CLCN5: variants seen among roughly 807,000 people sequenced by gnomAD.
CLCN5 encodes Cl-/H+ antiporter 5.
Under a neutral mutation model 54.0 loss-of-function variants are expected in CLCN5, and 17 were observed. The ratio of observed to expected loss-of-function variants is 0.31; its 90% CI spans 0.22 to 0.47. CLCN5 has a LOEUF of 0.47. Ranked by LOEUF, CLCN5 falls within the 20% of genes least tolerant of loss-of-function variation. CLCN5 has a pLI of 1.00. For missense variants in CLCN5, 448 were observed against 646.7 expected (o/e 0.69, Z 3.33); for synonymous variants, 222 against 233.0 (o/e 0.95, Z 0.43).
At chrX:50,069,344 A>G (rs1467812240) in intron 4 of CLCN5, among the ~76,000 whole-genome samples, 1 of 111,593 alleles carries the variant, frequency 9.0e-6, no homozygotes, top group African/African-American at 3.3e-5. Flanking sequence ...CAAGCCTGTT[A>G]CATCAGAGAT....
intron 3 of CLCN5, among the ~76,000 whole-genome samples, chrX:50,017,710 G>A (rs1930860284): frequency 9.0e-6 from 1 of 110,554 alleles, no homozygotes; most frequent in African/African-American, 3.3e-5. Flanking sequence ...TTCATGTCCA[G>A]TTGTTTCAGT....
At chrX:50,048,294 C>G (rs1932462683) in intron 4 of CLCN5, among the ~76,000 whole-genome samples, 1 of 112,780 alleles carries the variant, frequency 8.9e-6, no homozygotes, top group Admixed American at 9.3e-5. Flanking sequence ...TGCTCGCCCT[C>G]TGCTCACCTC....
intron 3 of CLCN5, among the ~76,000 whole-genome samples, chrX:49,941,086 G>A (rs1176107400): frequency 9.0e-6 from 1 of 111,469 alleles, no homozygotes; most frequent in African/African-American, 3.3e-5. Context: ...CGGCACTTTG[G>A]GAGGTCAAGG....
At chrX:50,091,077 C>T (rs1934082983) in intron 14 of CLCN5, among the ~76,000 whole-genome samples, 191 bp downstream of exon 14, 1 of 111,698 alleles carries the variant, frequency 9.0e-6, no homozygotes, top group African/African-American at 3.3e-5. Context: ...TGGGAAAGAA[C>T]ATGTGTTTGA....
intron 3 of CLCN5, among the ~76,000 whole-genome samples, chrX:49,992,560 C>T (rs1013474765): frequency 9.0e-6 from 1 of 111,532 alleles, no homozygotes; most frequent in East Asian, 2.8e-4. Flanking sequence ...ATTGTACTTA[C>T]AGTTTGTGTT....
chrX:50,065,197 A>G (rs2147528591), intron 4 of CLCN5, among the ~76,000 whole-genome samples: 1 of 87,218 alleles, frequency 1.1e-5, no homozygotes, highest in East Asian at 3.6e-4. Context: ...TGCACAGCAA[A>G]AGAAACTACC....
At chrX:49,956,984 C>T (rs1557173952) in intron 3 of CLCN5, among the ~76,000 whole-genome samples, 3 of 111,489 alleles carry the variant, frequency 2.7e-5, no homozygotes, top group African/African-American at 9.8e-5. Flanking sequence ...ATAATATTTA[C>T]CTCTCCCCTC....
At position 50,080,580 on chromosome X, in the gene CLCN5, TC is replaced by T. The variant is rs1557192926; in HGVS notation, c.604-9del. 3.3e-6 allele frequency: 4 copies of T among 1,203,425 alleles called. No individual in the cohort carries two copies. In the Admixed American group the frequency reaches 6.6e-5, roughly 20 times the overall value. ...GTCTAGGCTAAAACAAGCTTCTTTTTCCCCCTGTTCCAGGGAGCCTTTGCCT... is the reference window on the plus strand; with the variant it reads ...GTCTAGGCTAAAACAAGCTTCTTTTTCCCCTGTTCCAGGGAGCCTTTGCCT... On this transcript the variant is annotated splice_polypyrimidine_tract_variant and intron_variant, in intron 7 of 14. Transcript: ENST00000376091.
intron 3 of CLCN5, 70 bp from the exon 4 acceptor site, chrX:50,042,246 A>C (rs1312023076): frequency 5.8e-6 from 3 of 513,445 alleles, no homozygotes; most frequent in Non-Finnish European, 8.9e-6. Context: ...AAATGGTTCA[A>C]ATGGCAAATG....
At chrX:49,998,992 C>A (rs1929666353) in intron 3 of CLCN5, among the ~76,000 whole-genome samples, 1 of 108,872 alleles carries the variant, frequency 9.2e-6, no homozygotes, top group Non-Finnish European at 1.9e-5. Context: ...CTAGTGCCAC[C>A]CCCCCGCCAT....
intron 3 of CLCN5, among the ~76,000 whole-genome samples, chrX:50,028,764 C>G (rs1450690657): frequency 8.9e-6 from 1 of 112,051 alleles, no homozygotes; most frequent in South Asian, 3.7e-4. Flanking sequence ...TTTGCATCCA[C>G]CTTTTCCTTA....
chrX:49,943,577 G>A (rs1487739847), intron 3 of CLCN5, among the ~76,000 whole-genome samples: 2 of 107,492 alleles, frequency 1.9e-5, no homozygotes, highest in Non-Finnish European at 3.8e-5. Flanking sequence ...ATTAATTTTT[G>A]TATAAGGTGT....
Position 49,976,477 on chromosome X carries a change from G to A in CLCN5, c.16+51163G>A, listed in dbSNP as rs782135444. Among the ~76,000 whole-genome samples the A allele has an allele frequency of 1.8e-4, 20 of 112,218 alleles. No individual in the cohort carries two copies. The South Asian group carries it at 4.5e-3, about 25-fold the overall frequency. On this transcript the variant is annotated intron_variant, in intron 3 of 14. Coordinates refer to ENST00000376091, the MANE Select transcript of CLCN5 (RefSeq NM_001127898.4). ...AGAACAGGCAAAGATGGGGGAGACTGCCACTAATAGTTAAGACTCCTGAAA... is the reference window on the plus strand; with the variant it reads ...AGAACAGGCAAAGATGGGGGAGACTACCACTAATAGTTAAGACTCCTGAAA...
intron 3 of CLCN5, among the ~76,000 whole-genome samples, chrX:50,036,587 C>T (rs1557186552): frequency 8.9e-6 from 1 of 111,985 alleles, no homozygotes. Flanking sequence ...ACAATAGGTA[C>T]ACCCATCTGA....
chrX:50,002,620 CGTCT>C (rs1168160707), intron 3 of CLCN5, among the ~76,000 whole-genome samples: 7 of 109,344 alleles, frequency 6.4e-5, no homozygotes, highest in Admixed American at 9.8e-5. Context: ...AGTTCTCTTG[CGTCT>C]GTCTGTCTGT....
intron 3 of CLCN5, among the ~76,000 whole-genome samples, chrX:49,942,149 T>C (rs2147272501): frequency 2.3e-5 from 1 of 44,077 alleles, no homozygotes; most frequent in South Asian, 1.7e-3. Context: ...TAATGTTAAA[T>C]TAGAATGAAT....
chrX:50,092,863 T>G lies in CLCN5; in HGVS notation c.*644T>G, dbSNP rs1314814118. Reference sequence around the variant, plus strand: ...TTGGTTAATCTCTTCTAAATGAATTTAGAGAGATTGACTTTTATAGCTTGC... The same window carrying G: ...TTGGTTAATCTCTTCTAAATGAATTGAGAGAGATTGACTTTTATAGCTTGC... On this transcript the variant is annotated 3_prime_UTR_variant, in exon 15 of 15. Coordinates refer to ENST00000376091, the MANE Select transcript of CLCN5 (RefSeq NM_001127898.4). The G allele has an allele frequency of 8.8e-6, 1 of 113,099 alleles. No individual in the cohort carries two copies. Among genetic ancestry groups the G allele is most frequent in the Non-Finnish European group, 1.9e-5 (1 of 53,578 alleles). The allele number at this position is 113,099 out of a possible 1,213,427, so 9.3% of individuals were successfully genotyped here. A position where few individuals can be genotyped will look rare whatever the true frequency, so the allele number is the denominator to read the frequency against.
In CLCN5 at chrX:49,948,063, C is replaced by T. The variant is rs144145846; in HGVS notation, c.16+22749C>T. Among the ~76,000 whole-genome samples the T allele has an allele frequency of 1.4e-4, 15 of 110,723 alleles. No homozygotes were observed. In the East Asian group the frequency reaches 4.2e-3, roughly 31 times the overall value. ...CTCCATTACTTTTGTTTCCTCCTGC[C>T]TCCTAATTATGTCCATATTCAGGGG... On this transcript the variant is annotated intron_variant, in intron 3 of 14. Coordinates refer to ENST00000376091, the MANE Select transcript of CLCN5 (RefSeq NM_001127898.4).
intron 3 of CLCN5, among the ~76,000 whole-genome samples, chrX:49,937,540 G>A (rs1241906338): frequency 1.8e-5 from 2 of 112,106 alleles, no homozygotes; most frequent in Non-Finnish European, 3.8e-5. Context: ...AGCTACCTCT[G>A]TGGCCAGAGG....
Sources: allele counts gnomAD v4.1 joint callset (sites outside exome capture counted in the v4.1 genomes callset), GRCh38; gene constraint gnomAD v4.1.1; transcripts MANE v1.5; gene names NCBI Gene and HGNC (gene_info 2026-07-23, HGNC 2026-07-21).